Variants in CNTNAP4 observed in about 807,000 individuals in gnomAD.
CNTNAP4 encodes the protein contactin associated protein family member 4.
A neutral mutation model predicts 148.4 loss-of-function variants in CNTNAP4; 98 were observed. The observed-to-expected ratio is 0.66, with a 90% CI of 0.56 to 0.78. CNTNAP4 has a LOEUF of 0.78. Ranked by LOEUF, CNTNAP4 falls within the 30% of genes least tolerant of loss-of-function variation. The pLI, the probability that CNTNAP4 is intolerant of heterozygous loss-of-function variation, is 0.00. For synonymous variants in CNTNAP4, 730 were observed against 565.1 expected (o/e 1.29, Z -4.14); for missense variants, 1,935 against 1,565.6 (o/e 1.24, Z -3.98).
intron 12 of CNTNAP4, among the ~76,000 whole-genome samples, chr16:76,488,632 G>A (rs1422411691): frequency 6.6e-6 from 1 of 152,154 alleles, no homozygotes; most frequent in East Asian, 1.9e-4. Context: ...ATATTCCTCT[G>A]TATTACAGAA....
At chr16:76,384,746 G>T (rs2016344276) in intron 3 of CNTNAP4, among the ~76,000 whole-genome samples, 1 of 152,094 alleles carries the variant, frequency 6.6e-6, no homozygotes, top group Non-Finnish European at 1.5e-5. Flanking sequence ...CAGGCTTTAA[G>T]AATTAATTTT....
chr16:76,514,032 T>A (rs2083133700), intron 15 of CNTNAP4, among the ~76,000 whole-genome samples: 1 of 152,220 alleles, frequency 6.6e-6, no homozygotes, highest in Admixed American at 6.5e-5. Flanking sequence ...AGGACATCAA[T>A]CTTGGATTGA....
intron 3 of CNTNAP4, among the ~76,000 whole-genome samples, chr16:76,390,692 G>A (rs1172645093): frequency 6.6e-6 from 1 of 152,020 alleles, no homozygotes; most frequent in African/African-American, 2.4e-5. Flanking sequence ...CACCAAGGTT[G>A]TCCCTGCCCT....
chr16:76,484,479 A>G (rs2081955123), intron 12 of CNTNAP4, among the ~76,000 whole-genome samples: 1 of 152,190 alleles, frequency 6.6e-6, no homozygotes, highest in Admixed American at 6.5e-5. Context: ...ACATATTCAA[A>G]CAAAAGTGAC....
At chr16:76,328,319 A>T (rs1288604291) in intron 2 of CNTNAP4, among the ~76,000 whole-genome samples, 4 of 152,174 alleles carry the variant, frequency 2.6e-5, no homozygotes, top group Non-Finnish European at 5.9e-5. Flanking sequence ...TCTGTGGAAA[A>T]CATTAGACCT....
At chr16:76,388,592 A>G (rs552889724) in intron 3 of CNTNAP4, among the ~76,000 whole-genome samples, 2 of 152,342 alleles carry the variant, frequency 1.3e-5, no homozygotes, top group Admixed American at 1.3e-4. Context: ...ATCTCCTGTA[A>G]TACTGTGATT....
At chr16:76,544,505 A>C (rs1336944667) in intron 21 of CNTNAP4, among the ~76,000 whole-genome samples, 1 of 152,214 alleles carries the variant, frequency 6.6e-6, no homozygotes, top group Non-Finnish European at 1.5e-5. Context: ...TGTTACAATT[A>C]AAATATAGAA....
chr16:76,534,921 C>T (rs962600464), intron 17 of CNTNAP4, among the ~76,000 whole-genome samples: 1 of 152,126 alleles, frequency 6.6e-6, no homozygotes, highest in Non-Finnish European at 1.5e-5. Flanking sequence ...ATTTCTGTAT[C>T]GATCCCCTTT....
chr16:76,323,309 TC>T (rs1216032144), intron 2 of CNTNAP4, among the ~76,000 whole-genome samples: 1 of 152,084 alleles, frequency 6.6e-6, no homozygotes. Context: ...CTTTTTTTTT[TC>T]CTCAGCAGTC....
At chr16:76,286,020 A>G (rs976259673) in intron 1 of CNTNAP4, among the ~76,000 whole-genome samples, 3 of 152,152 alleles carry the variant, frequency 2.0e-5, no homozygotes, top group East Asian at 1.9e-4. Flanking sequence ...GAGTGCATGT[A>G]GATTTATATC....
chr16:76,469,012 T>C (rs1288731002), intron 10 of CNTNAP4, among the ~76,000 whole-genome samples: 1 of 152,198 alleles, frequency 6.6e-6, no homozygotes, highest in African/African-American at 2.4e-5. Flanking sequence ...ACTTTTTACT[T>C]TTATAAGACA....
At chr16:76,376,199 T>C (rs1192539946) in intron 3 of CNTNAP4, among the ~76,000 whole-genome samples, 1 of 151,766 alleles carries the variant, frequency 6.6e-6, no homozygotes. Context: ...GCAAAAAAAA[T>C]ACAACTCATG....
intron 2 of CNTNAP4, among the ~76,000 whole-genome samples, chr16:76,326,218 T>C (rs919317920): frequency 1.3e-5 from 2 of 152,220 alleles, no homozygotes; most frequent in Non-Finnish European, 2.9e-5. Context: ...AAATGCAGAA[T>C]GCTCTAAACA....
rs190639444 is a variant in CNTNAP4, at chr16:76,297,856, A to G, written c.86-18557A>G. Among the ~76,000 whole-genome samples, 647 of 152,310 alleles carry G rather than the reference A, an allele frequency of 4.2e-3. 2 individuals carry two copies. Among genetic ancestry groups the G allele is most frequent in the Non-Finnish European group, 6.8e-3 (463 of 68,012 alleles). Reference sequence around the variant, plus strand: ...AAAAACTTTTATTTTTTCATTTTTCATAAAAGAAGACCTGATAAACCAGAT... The same window carrying G: ...AAAAACTTTTATTTTTTCATTTTTCGTAAAAGAAGACCTGATAAACCAGAT... On this transcript the variant is annotated intron_variant, in intron 1 of 23. Transcript: ENST00000611870.
chr16:76,400,274 G>C (rs80218936), intron 3 of CNTNAP4, among the ~76,000 whole-genome samples: 6,317 of 152,178 alleles, frequency 0.042, 464 homozygotes, highest in African/African-American at 0.15. Context: ...GTGGAATGAT[G>C]AAACATATCC....
chr16:76,502,068 C>CA (rs60515495), intron 15 of CNTNAP4, among the ~76,000 whole-genome samples: 7,863 of 134,810 alleles, frequency 0.058, 410 homozygotes, highest in African/African-American at 0.15. Flanking sequence ...GACTCCGTCT[C>CA]AAAAAAAAAA....
chr16:76,403,772 A>G (rs2144861340), intron 3 of CNTNAP4, among the ~76,000 whole-genome samples: 1 of 152,346 alleles, frequency 6.6e-6, no homozygotes, highest in Non-Finnish European at 1.5e-5. Flanking sequence ...CACTAGTCAC[A>G]ATAGCAAAGA....
At chr16:76,491,543 C>T (rs191151775) in intron 13 of CNTNAP4, among the ~76,000 whole-genome samples, 16 of 152,214 alleles carry the variant, frequency 1.1e-4, no homozygotes, top group East Asian at 3.9e-4. Context: ...TTGTGGCCAT[C>T]GTGAACATAC....
At chr16:76,502,394 C>G (rs963068958) in intron 15 of CNTNAP4, among the ~76,000 whole-genome samples, 1 of 147,976 alleles carries the variant, frequency 6.8e-6, no homozygotes, top group Non-Finnish European at 1.5e-5. Context: ...TTTTCATTTC[C>G]AAGTGAGGCT....
Sources: allele counts gnomAD v4.1 joint callset (sites outside exome capture counted in the v4.1 genomes callset), GRCh38; gene constraint gnomAD v4.1.1; transcripts MANE v1.5; gene names NCBI Gene and HGNC (gene_info 2026-07-23, HGNC 2026-07-21).